The following VSIG10 variants were observed in gnomAD, a reference collection of about 807,000 sequenced individuals.
The protein encoded by VSIG10 is V-set and immunoglobulin domain containing 10.
In VSIG10, 48 loss-of-function variants were observed where a neutral mutation model predicts 58.7. That is an observed-to-expected ratio of 0.82 (90% CI 0.65 to 1.04). VSIG10 has a LOEUF of 1.04. VSIG10 is among the 50% of genes least tolerant of loss of function. The pLI, the probability that VSIG10 is intolerant of heterozygous loss-of-function variation, is 0.00. For synonymous variants in VSIG10, 260 were observed against 267.1 expected (o/e 0.97, Z 0.26); for missense variants, 628 against 670.0 (o/e 0.94, Z 0.69).
intron 2 of VSIG10, among the ~76,000 whole-genome samples, chr12:118,093,716 C>T (rs2033364993): frequency 6.6e-6 from 1 of 151,876 alleles, no homozygotes; most frequent in Non-Finnish European, 1.5e-5. Flanking sequence ...CAAGACCAGC[C>T]TGAGCAACAT....
At chr12:118,076,802 C>G (rs142448985) in intron 4 of VSIG10, among the ~76,000 whole-genome samples, 1 of 151,814 alleles carries the variant, frequency 6.6e-6, no homozygotes, top group East Asian at 2.0e-4. Context: ...ATTATAGGTG[C>G]ATACCACCAT....
Position 118,073,713 on chromosome 12 carries a change from C to A in VSIG10, c.1205G>T (p.Trp402Leu), listed in dbSNP as rs2032591821. Residue 402 changes from tryptophan (W) to leucine (L), a missense_variant, in exon 5 of 9, where the codon TGG (tryptophan) becomes TTG (leucine). Transcript: ENST00000359236. ...CCACCACTCACCTTTCACACTCAGC[C>A]AGATTTCCATCTCCCTCACCCCTAC... ...SPVGVREMEI[W>L]LSVKEPLNIG... is the part of the protein sequence containing the mutation. 6.2e-7 allele frequency: 1 copy of A among 1,610,224 alleles called. No individual in the cohort carries two copies. Among genetic ancestry groups the A allele is most frequent in the Non-Finnish European group, 8.5e-7 (1 of 1,177,770 alleles).
rs1198705071 is a variant in VSIG10, at chr12:118,066,513, G to A, written c.*126C>T. ...TGTGCTTGGTTTTGTTTTTTGCTGA[G>A]ACCCAAACATTGTTAGTGCAAGCCC... On this transcript the variant is annotated 3_prime_UTR_variant, in exon 9 of 9. Transcript: ENST00000359236. 1 of 976,656 alleles carries A rather than the reference G, an allele frequency of 1.0e-6. No individual in the cohort carries two copies. The highest frequency in any genetic ancestry group is 1.6e-6 in the Non-Finnish European group (1 of 614,022). 60.5% of individuals were successfully genotyped at this position (976,656 alleles called of 1,614,324 possible).
intron 2 of VSIG10, among the ~76,000 whole-genome samples, chr12:118,091,091 C>T (rs371011785): frequency 1.4e-4 from 21 of 151,700 alleles, no homozygotes; most frequent in African/African-American, 3.9e-4. Flanking sequence ...GCCAAGGTGG[C>T]GCCACTGTAT....
At chr12:118,093,781 C>T (rs375723431) in intron 2 of VSIG10, among the ~76,000 whole-genome samples, 55 of 151,970 alleles carry the variant, frequency 3.6e-4, no homozygotes, top group African/African-American at 1.1e-3. Context: ...AGTTGGCAGG[C>T]GCCTGTAATC....
At chr12:118,075,100 GTA>G (rs527349893) in intron 4 of VSIG10, among the ~76,000 whole-genome samples, 18 of 148,174 alleles carry the variant, frequency 1.2e-4, no homozygotes, top group African/African-American at 4.4e-4. Context: ...ATGTATATAT[GTA>G]TATATGTGTA....
rs185718372 is a variant in VSIG10, at chr12:118,072,109, C to T, written c.1220-640G>A. ...ACTTGAACCCGGGAGGCGGGGGTTGCGGTGAGCCAAGATCGCGCCATTGCA... is the reference window on the plus strand; with the variant it reads ...ACTTGAACCCGGGAGGCGGGGGTTGTGGTGAGCCAAGATCGCGCCATTGCA... On this transcript the variant is annotated intron_variant, in intron 5 of 8. Coordinates refer to ENST00000359236, the MANE Select transcript of VSIG10 (RefSeq NM_019086.6). 3.5e-3 allele frequency among the ~76,000 whole-genome samples: 534 copies of T among 151,950 alleles called. 5 individuals are homozygous for T. Among genetic ancestry groups the T allele is most frequent in the Admixed American group, 0.015 (230 of 15,258 alleles).
rs1024660330 is a variant in VSIG10, at chr12:118,065,278, G to A, written c.*1361C>T. 3.9e-5 allele frequency: 6 copies of A among 152,246 alleles called. No homozygotes were observed. The highest frequency in any genetic ancestry group is 2.1e-4 in the South Asian group (1 of 4,838). The allele number at this position is 152,246 out of a possible 1,614,324, so 9.4% of individuals were successfully genotyped here. A position where few individuals can be genotyped will look rare whatever the true frequency, so the allele number is the denominator to read the frequency against. ...ATCACCAGATACTCCGTTATTAAACGTGTCTCCTGCCTTCTTTGAAAGCAA... is the reference window on the plus strand; with the variant it reads ...ATCACCAGATACTCCGTTATTAAACATGTCTCCTGCCTTCTTTGAAAGCAA... On this transcript the variant is annotated 3_prime_UTR_variant, in exon 9 of 9. Transcript: ENST00000359236.
Position 118,103,608 on chromosome 12 carries a change from C to A in VSIG10, c.64G>T (p.Gly22Cys), listed in dbSNP as rs1380016241. ...VLVCLGALLAGWVAVGLEAVV... is the reference protein window; with the variant it reads ...VLVCLGALLACWVAVGLEAVV... ...GGCCCCTTACCTACGGCGACCCAGC[C>A]GGCCAGGAGCGCCCCGAGGCAGACG... is the stretch of plus-strand genomic sequence containing the variant. The change falls in exon 1 of 9, where the codon GGC (glycine) becomes TGC (cysteine). Residue 22 changes from glycine (G) to cysteine (C), a missense_variant. Gly to Cys is a radical substitution (Grantham distance 159). Coordinates refer to ENST00000359236, the MANE Select transcript of VSIG10 (RefSeq NM_019086.6). 2 of 1,520,678 alleles carry A rather than the reference C, an allele frequency of 1.3e-6. No homozygotes were observed. Among genetic ancestry groups the A allele is most frequent in the South Asian group, 1.2e-5 (1 of 82,394 alleles). 94.2% of individuals were successfully genotyped at this position (1,520,678 alleles called of 1,614,324 possible). A position where few individuals can be genotyped will look rare whatever the true frequency, so the allele number is the denominator to read the frequency against.
rs1011293350 is a variant in VSIG10, at chr12:118,068,304, G to C, written c.1567+73C>G. 2.0e-6 allele frequency: 3 copies of C among 1,507,166 alleles called. No individual in the cohort carries two copies. In the African/African-American group the frequency reaches 4.2e-5, roughly 21 times the overall value. The allele number at this position is 1,507,166 out of a possible 1,614,324, so 93.4% of individuals were successfully genotyped here. A position where few individuals can be genotyped will look rare whatever the true frequency, so the allele number is the denominator to read the frequency against. On this transcript the variant is annotated intron_variant, in intron 8 of 8. Coordinates refer to ENST00000359236, the MANE Select transcript of VSIG10 (RefSeq NM_019086.6). ...CCCACCTTGGCCTCCCAAAGTGCTG[G>C]GATTATAGGCGTGAGCCAACGCGCC...
At chr12:118,077,981 G>A (rs1319918812) in intron 4 of VSIG10, among the ~76,000 whole-genome samples, 2 of 152,094 alleles carry the variant, frequency 1.3e-5, no homozygotes, top group African/African-American at 2.4e-5. Flanking sequence ...CTTGTTTTAA[G>A]CCACTATGTT....
At chr12:118,097,087 T>G (rs560336045) in intron 1 of VSIG10, among the ~76,000 whole-genome samples, 7 of 152,102 alleles carry the variant, frequency 4.6e-5, no homozygotes, top group African/African-American at 1.7e-4. Context: ...ACGTCTGGTA[T>G]GTTGGGACTC....
rs1171584112 is a variant in VSIG10 at position 118,078,965 on chromosome 12, AAAAT to A, written c.925+377_925+380del. ...AAAAAAAAAAAAAAAAAAAAAAAAA[AAAAT>A]TTTCTTTATAAACTACCCAGCCTCA... is the stretch of plus-strand genomic sequence containing the variant. On this transcript the variant is annotated intron_variant, in intron 4 of 8. Coordinates refer to ENST00000359236, the MANE Select transcript of VSIG10 (RefSeq NM_019086.6). Among the ~76,000 whole-genome samples the A allele has an allele frequency of 4.3e-3, 181 of 41,818 alleles. 15 individuals carry two copies. The highest frequency in any genetic ancestry group is 9.1e-3 in the African/African-American group (94 of 10,312). The allele number at this position is 41,818 out of a possible 152,430, so 27.4% of individuals were successfully genotyped here. A position where few individuals can be genotyped will look rare whatever the true frequency, so the allele number is the denominator to read the frequency against.
At chr12:118,081,739 G>A (rs1433556467) in intron 3 of VSIG10, among the ~76,000 whole-genome samples, 1 of 152,086 alleles carries the variant, frequency 6.6e-6, no homozygotes, top group Non-Finnish European at 1.5e-5. Flanking sequence ...ATGGGAGGCC[G>A]GGCGCAGTGG....
At chr12:118,098,146 A>G (rs1197197111) in intron 1 of VSIG10, among the ~76,000 whole-genome samples, 2 of 152,202 alleles carry the variant, frequency 1.3e-5, no homozygotes, top group African/African-American at 2.4e-5. Flanking sequence ...ACAGAACCCA[A>G]GTGGCTTTAT....
chr12:118,089,059 G>A (rs1440854670), intron 2 of VSIG10, among the ~76,000 whole-genome samples: 1 of 151,228 alleles, frequency 6.6e-6, no homozygotes, highest in Non-Finnish European at 1.5e-5. Flanking sequence ...AGCTTTTCTT[G>A]TGTGTCAGCC....
At chr12:118,074,862 T>G (rs2032647964) in intron 4 of VSIG10, among the ~76,000 whole-genome samples, 1 of 152,180 alleles carries the variant, frequency 6.6e-6, no homozygotes, top group South Asian at 2.1e-4. Context: ...TGCACATTGT[T>G]CTGAGTCGTG....
chr12:118,075,207 T>C (rs969682166), intron 4 of VSIG10, among the ~76,000 whole-genome samples: 1 of 146,630 alleles, frequency 6.8e-6, no homozygotes, highest in Non-Finnish European at 1.5e-5. Context: ...TGTGTGTGTG[T>C]ATATATGTGT....
intron 6 of VSIG10, 27 bp from the exon 7 acceptor site, chr12:118,071,094 A>T (rs1435414267): frequency 6.3e-7 from 1 of 1,586,222 alleles, no homozygotes; most frequent in Admixed American, 1.8e-5. Flanking sequence ...AAAACCATTA[A>T]TATCCAGTAA....
Sources: allele counts gnomAD v4.1 joint callset (sites outside exome capture counted in the v4.1 genomes callset), GRCh38; gene constraint gnomAD v4.1.1; transcripts MANE v1.5; gene names NCBI Gene and HGNC (gene_info 2026-07-23, HGNC 2026-07-21).